Variants in CEP76 observed in about 807,000 individuals in gnomAD.
The protein encoded by CEP76 is centrosomal protein 76, also known as centrosomal protein of 76 kDa.
CEP76 carries 55 observed loss-of-function variants against 83.3 expected under a neutral mutation model. The observed-to-expected ratio is 0.66, with a 90% CI of 0.53 to 0.83. The LOEUF is 0.83. CEP76 is among the 40% of genes least tolerant of loss of function. The probability of loss-of-function intolerance (pLI) is 0.00; values close to 1 mark genes in which losing one functional copy is unlikely to be tolerated. For synonymous variants in CEP76, 270 were observed against 274.5 expected, an observed-to-expected ratio of 0.98 and a Z score of 0.16; for missense variants, 694 against 799.5, an observed-to-expected ratio of 0.87 and a Z score of 1.59.
intron 8 of CEP76, 145 bp from the exon 9 acceptor site, chr18:12,680,973 T>TG: frequency 3.1e-6 from 2 of 641,296 alleles, no homozygotes. Context: ...CCAAGGCGGG[T>TG]GGATCACATG....
At chr18:12,683,186 CAAA>C (rs765652085) in intron 8 of CEP76, among the ~76,000 whole-genome samples, 3 of 63,658 alleles carry the variant, frequency 4.7e-5, no homozygotes, top group Non-Finnish European at 9.2e-5. Flanking sequence ...CTAAAAATAC[CAAA>C]AAAAAAAAAA....
In CEP76 at chr18:12,680,751, C is replaced by T; in HGVS notation, c.1200G>A (p.Gly400=). Residue 400 remains glycine (G), a synonymous_variant, in exon 9 of 12, where the codon GGG becomes GGA. Transcript: ENST00000262127. ...CATGAGGTACTCCTTTTGCCTTGGT[C>T]CCAACACAAACAAAGGCTTCTAATC... ...GYGLEAFVCV[G]TKAKGVPHAW... is the part of the protein sequence containing the mutation. 2.5e-6 allele frequency: 4 copies of T among 1,613,594 alleles called. No individual in the cohort carries two copies. Among genetic ancestry groups the T allele is most frequent in the Non-Finnish European group, 3.4e-6 (4 of 1,179,720 alleles).
In CEP76 at chr18:12,699,685, AACAATC is replaced by A. The variant is rs2040084919; in HGVS notation, c.295+139_295+144del. On this transcript the variant is annotated intron_variant, in intron 3 of 11. Coordinates refer to ENST00000262127, the MANE Select transcript of CEP76 (RefSeq NM_024899.4). ...AACTCTTCTGATATACTTCATGCAA[AACAATC>A]TGTTTTAGCCAACCATAAAATTTTA... 1.5e-5 allele frequency: 8 copies of A among 533,786 alleles called. No homozygotes were observed. The East Asian group carries it at 2.6e-4, about 17-fold the overall frequency. The allele number at this position is 533,786 out of a possible 1,614,324, so 33.1% of individuals were successfully genotyped here.
rs772660362 is a variant in CEP76, at chr18:12,699,150, C to A, written c.349G>T (p.Ala117Ser). ...YLYLQVLGGK[A>S]FLEHLQEPEP... ...GGTTCTTGCAGATGTTCCAAGAAAG[C>A]TTTTCCACCCAAAACCTGAAGGTAA... Residue 117 changes from alanine to serine, a missense_variant, in exon 4 of 12, where the codon GCT (alanine) becomes TCT (serine). Transcript: ENST00000262127. 6.2e-7 allele frequency: 1 copy of A among 1,614,078 alleles called. No individual in the cohort carries two copies. Among genetic ancestry groups the A allele is most frequent in the Admixed American group, 1.7e-5 (1 of 60,012 alleles).
intron 1 of CEP76, among the ~76,000 whole-genome samples, chr18:12,701,848 C>T (rs1474407575): frequency 6.6e-6 from 1 of 152,212 alleles, no homozygotes; most frequent in African/African-American, 2.4e-5. Flanking sequence ...ACCCTGATAT[C>T]TGCCGGGCGC....
intron 9 of CEP76, 99 bp from the exon 10 acceptor site, chr18:12,678,541 C>T: frequency 1.4e-6 from 1 of 716,192 alleles, no homozygotes; most frequent in Non-Finnish European, 2.3e-6. Flanking sequence ...ATAACTACTT[C>T]TCAGAACTAC....
chr18:12,697,378 G>A lies in CEP76; in HGVS notation c.551C>T (p.Thr184Ile), dbSNP rs1403516009. Residue 184 changes from threonine (T) to isoleucine (I), a missense_variant, in exon 5 of 12, where the codon ACA becomes ATA. Coordinates refer to ENST00000262127, the MANE Select transcript of CEP76 (RefSeq NM_024899.4). Reference sequence around the variant, plus strand: ...AATTGGATCACTTATTGATAACATTGTTGTTGAATCAGCCATTCTAGTTCC... The same window carrying A: ...AATTGGATCACTTATTGATAACATTATTGTTGAATCAGCCATTCTAGTTCC... ...GDGTRMADST[T>I]MLSISDPIHM... 3.7e-6 allele frequency: 6 copies of A among 1,611,034 alleles called. No homozygotes were observed. Among genetic ancestry groups the A allele is most frequent in the South Asian group, 1.1e-5 (1 of 90,632 alleles).
chr18:12,685,635 GTATT>G (rs914599405), intron 8 of CEP76: 1 of 134,640 alleles, frequency 7.4e-6, no homozygotes, highest in African/African-American at 2.7e-5. Context: ...ATATAAAATA[GTATT>G]TTTTTTTTTT....
intron 8 of CEP76, among the ~76,000 whole-genome samples, chr18:12,682,162 CTTTT>C (rs754403028): frequency 4.7e-5 from 7 of 149,566 alleles, no homozygotes; most frequent in African/African-American, 1.7e-4. Flanking sequence ...GAAGAAATTT[CTTTT>C]TTTTTTCCTC....
At position 12,678,272 on chromosome 18, in the gene CEP76, T is replaced by C. The variant is rs1456066089; in HGVS notation, c.1460A>G (p.Lys487Arg). ...TGCTTCCTCACTCATGGGTTTCCATTTGGATTCATCGTTCAAATCAAATAC... is the reference window on the plus strand; with the variant it reads ...TGCTTCCTCACTCATGGGTTTCCATCTGGATTCATCGTTCAAATCAAATAC... ...TCVFDLNDES[K>R]WKPMSEEAIK... The change falls in exon 10 of 12, where the codon AAA becomes AGA. Residue 487 changes from lysine (K) to arginine (R), a missense_variant. By Grantham distance (26) the Lys-to-Arg change is conservative (BLOSUM62 2). Coordinates refer to ENST00000262127, the MANE Select transcript of CEP76 (RefSeq NM_024899.4). The C allele has an allele frequency of 1.9e-6, 3 of 1,613,996 alleles. No homozygotes were observed. The highest frequency in any genetic ancestry group is 2.5e-6 in the Non-Finnish European group (3 of 1,180,034).
In CEP76 at chr18:12,699,149, GC is replaced by G; in HGVS notation, c.349del (p.Ala117LeufsTer72). On this transcript the variant is annotated frameshift_variant, in exon 4 of 12. Coordinates refer to ENST00000262127, the MANE Select transcript of CEP76 (RefSeq NM_024899.4). LOFTEE classifies it high-confidence loss of function. ...AGGTTCTTGCAGATGTTCCAAGAAA[GC>G]TTTTCCACCCAAAACCTGAAGGTAA... ...YLYLQVLGGKAFLEHLQEPEP... is the reference protein window; with the variant it reads ...YLYLQVLGGKXFLEHLQEPEP... 1 of 1,614,054 alleles carries G rather than the reference GC, an allele frequency of 6.2e-7. No individual in the cohort carries two copies. The highest frequency in any genetic ancestry group is 8.5e-7 in the Non-Finnish European group (1 of 1,179,982).
At position 12,699,071 on chromosome 18, in the gene CEP76, C is replaced by T. The variant is rs202117013; in HGVS notation, c.428G>A (p.Arg143Gln). The T allele has an allele frequency of 5.0e-5, 81 of 1,613,978 alleles. 1 individual carries two copies. The East Asian group carries it at 1.0e-3, about 20-fold the overall frequency. ...CSTFTLCLHY[R>Q]NQRFRSKPVP... ...AGGTTTAGAACGAAAACGTTGGTTTCGATAATGTAAACATAAAGTAAACGT... is the reference window on the plus strand; with the variant it reads ...AGGTTTAGAACGAAAACGTTGGTTTTGATAATGTAAACATAAAGTAAACGT... Residue 143 changes from arginine (R) to glutamine (Q), a missense_variant, in exon 4 of 12, where the codon CGA becomes CAA. Arg to Gln is a conservative substitution (Grantham distance 43). Transcript: ENST00000262127.
At chr18:12,662,267 C>G (rs1345603827) in intron 12 of CEP76, 1 of 415,130 alleles carries the variant, frequency 2.4e-6, no homozygotes, top group Non-Finnish European at 4.7e-6. Context: ...CCTTATACAT[C>G]TGTAGTGCTA....
Position 12,695,283 on chromosome 18 carries a change from TTTGA to T in CEP76, c.771_774del (p.Asn257LysfsTer7), listed in dbSNP as rs1325818072. On this transcript the variant is annotated frameshift_variant, in exon 6 of 12. Coordinates refer to ENST00000262127, the MANE Select transcript of CEP76 (RefSeq NM_024899.4). LOFTEE classifies it high-confidence loss of function. The stretch of plus-strand genomic sequence containing the variant: ...GTGTTCACTACTTCTTGAGATAACG[TTTGA>T]TTGAGTGGTGGATACATTTCAAGTT... The T allele has an allele frequency of 2.6e-6, 4 of 1,560,734 alleles. No individual in the cohort carries two copies. The highest frequency in any genetic ancestry group is 1.7e-5 in the Admixed American group (1 of 57,550).
intron 12 of CEP76, among the ~76,000 whole-genome samples, chr18:12,666,908 CAAAA>C (rs1252466632): frequency 1.3e-5 from 2 of 151,594 alleles, no homozygotes; most frequent in Non-Finnish European, 2.9e-5. Context: ...AATATATTGA[CAAAA>C]AAAGTAAATC....
At chr18:12,669,012 G>C (rs1053425160), downstream of CEP76, among the ~76,000 whole-genome samples, 1 of 138,714 alleles carries the variant, frequency 7.2e-6, no homozygotes, top group African/African-American at 2.7e-5. Context: ...TTACAGGCTT[G>C]AGCTACCGCA....
intron 12 of CEP76, chr18:12,665,233 C>CT (rs1259456781): frequency 6.6e-6 from 1 of 152,066 alleles, no homozygotes; most frequent in Admixed American, 6.6e-5. Flanking sequence ...AAAAGCTGGT[C>CT]TTTTAAGTTT....
intron 1 of CEP76, among the ~76,000 whole-genome samples, chr18:12,701,490 C>T (rs891078836): frequency 6.6e-6 from 1 of 152,118 alleles, no homozygotes; most frequent in Admixed American, 6.5e-5. Flanking sequence ...AGATGTGTAA[C>T]CTCAAGCCAA....
chr18:12,699,928 TCAAAA>T, intron 2 of CEP76, 23 bp from the exon 3 acceptor site: 3 of 1,450,716 alleles, frequency 2.1e-6, no homozygotes, highest in Non-Finnish European at 9.4e-7. Context: ...GAAAAAAAAA[TCAAAA>T]CAAATTAGAA....
Sources: allele counts gnomAD v4.1 joint callset (sites outside exome capture counted in the v4.1 genomes callset), GRCh38; gene constraint gnomAD v4.1.1; transcripts MANE v1.5; gene names NCBI Gene and HGNC (gene_info 2026-07-23, HGNC 2026-07-21).